The following COLEC12 variants were observed in gnomAD, a reference collection of about 807,000 sequenced individuals.
The protein encoded by COLEC12 is collectin-12.
COLEC12 carries 33 observed loss-of-function variants against 71.1 expected under a neutral mutation model. That is an observed-to-expected ratio of 0.46 (90% CI 0.35 to 0.62). The LOEUF (loss-of-function observed/expected upper bound fraction) is 0.62. Ranked by LOEUF, COLEC12 falls within the 20% of genes least tolerant of loss-of-function variation. The pLI, the probability that COLEC12 is intolerant of heterozygous loss-of-function variation, is 0.00. For synonymous variants in COLEC12, 350 were observed against 353.0 expected (o/e 0.99, Z 0.10); for missense variants, 765 against 916.1 (o/e 0.84, Z 2.13).
intron 1 of COLEC12, among the ~76,000 whole-genome samples, chr18:496,543 G>T (rs1488681818): frequency 1.3e-5 from 2 of 152,136 alleles, no homozygotes; most frequent in Non-Finnish European, 2.9e-5. Flanking sequence ...GCCTTTATAG[G>T]CTTGTTTGCT....
chr18:488,669 T>G (rs1406060647), intron 1 of COLEC12, among the ~76,000 whole-genome samples: 1 of 151,744 alleles, frequency 6.6e-6, no homozygotes, highest in Non-Finnish European at 1.5e-5. Context: ...GGTCAGGAGT[T>G]CAAGACCAGC....
chr18:439,423 GAGAGAA>G, intron 2 of COLEC12, among the ~76,000 whole-genome samples: 1 of 150,688 alleles, frequency 6.6e-6, no homozygotes, highest in Middle Eastern at 3.4e-3. Context: ...AACACACACA[GAGAGAA>G]TTATACCCTA....
intron 8 of COLEC12, among the ~76,000 whole-genome samples, chr18:329,355 A>C (rs1176754858): frequency 6.6e-6 from 1 of 152,200 alleles, no homozygotes; most frequent in African/African-American, 2.4e-5. Flanking sequence ...AATGTGGAGA[A>C]GATGATTTTT....
intron 2 of COLEC12, among the ~76,000 whole-genome samples, chr18:402,390 C>G (rs1210686156): frequency 2.6e-5 from 4 of 152,102 alleles, no homozygotes; most frequent in Non-Finnish European, 4.4e-5. Context: ...AAGGGAGTTG[C>G]CTCAGCAACT....
chr18:444,663 G>A (rs968161058), intron 2 of COLEC12, among the ~76,000 whole-genome samples: 1 of 152,084 alleles, frequency 6.6e-6, no homozygotes, highest in Non-Finnish European at 1.5e-5. Flanking sequence ...GAGAGAAAAG[G>A]TTAAAATAGG....
intron 8 of COLEC12, among the ~76,000 whole-genome samples, chr18:323,182 T>C (rs988833573): frequency 6.6e-6 from 1 of 152,200 alleles, no homozygotes; most frequent in Non-Finnish European, 1.5e-5. Flanking sequence ...GCCAAGATCA[T>C]GCCACTGCAC....
chr18:464,484 T>A (rs1164248354), intron 2 of COLEC12, among the ~76,000 whole-genome samples: 2 of 152,112 alleles, frequency 1.3e-5, no homozygotes, highest in African/African-American at 2.4e-5. Context: ...CCACTGACTG[T>A]CTGGGGACTT....
At chr18:409,548 C>G (rs1412601127) in intron 2 of COLEC12, among the ~76,000 whole-genome samples, 2 of 152,080 alleles carry the variant, frequency 1.3e-5, no homozygotes, top group South Asian at 2.1e-4. Flanking sequence ...GAAATGTCTA[C>G]TTTCCCAAAA....
intron 8 of COLEC12, among the ~76,000 whole-genome samples, chr18:329,144 C>A (rs971092565): frequency 6.6e-6 from 1 of 152,064 alleles, no homozygotes; most frequent in Non-Finnish European, 1.5e-5. Context: ...CAAGCGGGTG[C>A]GCTCCATCCA....
intron 2 of COLEC12, among the ~76,000 whole-genome samples, chr18:447,489 T>A (rs1437627456): frequency 4.6e-5 from 7 of 152,174 alleles, no homozygotes; most frequent in Non-Finnish European, 1.0e-4. Flanking sequence ...GGCCACCCAG[T>A]CGGGCTTTGC....
At chr18:365,728 T>C (rs675464) in intron 2 of COLEC12, among the ~76,000 whole-genome samples, 97,141 of 152,052 alleles carry the variant, frequency 0.64, 31,579 homozygotes, top group South Asian at 0.76. Context: ...TGGCAAAAAA[T>C]ATTTTTTTCT....
chr18:426,962 C>G (rs796444602), intron 2 of COLEC12, among the ~76,000 whole-genome samples: 8 of 152,290 alleles, frequency 5.3e-5, no homozygotes, highest in African/African-American at 1.4e-4. Flanking sequence ...AACTAAATAA[C>G]TTCCTAGGGC....
chr18:493,240 A>C (rs949739133), intron 1 of COLEC12, among the ~76,000 whole-genome samples: 2 of 152,038 alleles, frequency 1.3e-5, no homozygotes, highest in African/African-American at 4.8e-5. Context: ...GCACCCATTA[A>C]ATTTTCTGTG....
intron 1 of COLEC12, among the ~76,000 whole-genome samples, chr18:489,559 C>T (rs1243996082): frequency 6.6e-6 from 1 of 152,088 alleles, no homozygotes; most frequent in Non-Finnish European, 1.5e-5. Context: ...TATGTTTGAA[C>T]ACACAGAGGA....
At chr18:322,346 T>C (rs62089606) in intron 8 of COLEC12, among the ~76,000 whole-genome samples, 14 of 152,198 alleles carry the variant, frequency 9.2e-5, no homozygotes, top group African/African-American at 3.4e-4. Flanking sequence ...CAATTACAAA[T>C]AACTGGTTAT....
intron 2 of COLEC12, among the ~76,000 whole-genome samples, chr18:393,616 C>G (rs537352518): frequency 6.6e-6 from 1 of 152,336 alleles, no homozygotes; most frequent in African/African-American, 2.4e-5. Context: ...ACGCATGTTC[C>G]TCTGCCTGGA....
At chr18:471,158 G>A (rs769600730) in intron 2 of COLEC12, among the ~76,000 whole-genome samples, 3 of 152,082 alleles carry the variant, frequency 2.0e-5, no homozygotes, top group Non-Finnish European at 2.9e-5. Flanking sequence ...ATAAAAAGAG[G>A]AGCATGTGTC....
At chr18:372,860 G>A (rs1044280029) in intron 2 of COLEC12, among the ~76,000 whole-genome samples, 3 of 152,172 alleles carry the variant, frequency 2.0e-5, no homozygotes, top group African/African-American at 7.2e-5. Flanking sequence ...TCAGGAAGAG[G>A]GGATCCACAT....
chr18:326,712 C>A (rs1913852850), intron 8 of COLEC12, among the ~76,000 whole-genome samples: 3 of 152,118 alleles, frequency 2.0e-5, no homozygotes, highest in Admixed American at 2.0e-4. Flanking sequence ...TATAGTTCAT[C>A]TTGGTGAATG....
Sources: gnomAD v4.1 joint callset for allele counts (sites outside exome capture counted in the v4.1 genomes callset) on GRCh38, gnomAD v4.1.1 for gene constraint, MANE v1.5 for transcripts, NCBI Gene and HGNC (gene_info 2026-07-23, HGNC 2026-07-21) for gene names.